The following ZNF805 variants were observed in gnomAD, a reference collection of about 807,000 sequenced individuals.
The protein encoded by ZNF805 is CTC-444N24.8.
A neutral mutation model predicts 13.6 loss-of-function variants in ZNF805; 7 were observed. That is an observed-to-expected ratio of 0.51 (90% CI 0.29 to 0.97). The LOEUF is 0.97. Among genes scored for constraint, ZNF805 ranks in the 50% least tolerant of loss-of-function variants. The pLI is 0.08. For missense variants in ZNF805, 604 were observed against 771.0 expected, an observed-to-expected ratio of 0.78 and a Z score of 2.57; for synonymous variants, 293 against 279.8, an observed-to-expected ratio of 1.05 and a Z score of -0.47.
chr19:57,248,726 G>A (rs1440468706), intron 3 of ZNF805, 26 bp downstream of exon 3: 19 of 1,557,702 alleles, frequency 1.2e-5, no homozygotes, highest in Admixed American at 5.7e-5. Flanking sequence ...TGGGCAGGTC[G>A]GAGTCCCTGC....
intron 1 of ZNF805, among the ~76,000 whole-genome samples, chr19:57,241,340 A>G (rs10423635): frequency 3.9e-5 from 6 of 152,008 alleles, no homozygotes; most frequent in African/African-American, 1.4e-4. Context: ...TGACTGTTCT[A>G]ATTTTTGCCT....
rs1179063073 is a variant in ZNF805 at position 57,256,932 on chromosome 19, C to A, written c.*2229C>A. On this transcript the variant is annotated 3_prime_UTR_variant, in exon 4 of 4. Coordinates refer to ENST00000414468, the MANE Select transcript of ZNF805 (RefSeq NM_001023563.4). ...TCTTTTTTAATATAAGCTTTAAGTT[C>A]TATACATTTTTCTTACACTGCTGTT... 1.3e-5 allele frequency among the ~76,000 whole-genome samples: 2 copies of A among 151,878 alleles called. No individual in the cohort carries two copies. Among genetic ancestry groups the A allele is most frequent in the African/African-American group, 4.8e-5 (2 of 41,350 alleles).
Position 57,260,905 on chromosome 19 carries a change from T to C in ZNF805, c.*6202T>C, listed in dbSNP as rs2087720174. 6.6e-6 allele frequency among the ~76,000 whole-genome samples: 1 copy of C among 152,248 alleles called. No homozygotes were observed. The highest frequency in any genetic ancestry group is 1.5e-5 in the Non-Finnish European group (1 of 68,052). On this transcript the variant is annotated 3_prime_UTR_variant, in exon 4 of 4. Coordinates refer to ENST00000414468, the MANE Select transcript of ZNF805 (RefSeq NM_001023563.4). ...CAAATTATTACTGTGTATCAGACAT[T>C]GTTTCGAATGTTTTACATGCGTCAG...
rs966095091 is a variant in ZNF805, at chr19:57,258,298, TG to T, written c.*3597del. 6.6e-5 allele frequency among the ~76,000 whole-genome samples: 10 copies of T among 152,156 alleles called. No individual in the cohort carries two copies. Among genetic ancestry groups the T allele is most frequent in the Non-Finnish European group, 1.0e-4 (7 of 68,016 alleles). The stretch of plus-strand genomic sequence containing the variant: ...GATTACAGGTATGTGTCACTGTGTC[TG>T]GCCCCAGTTTGCATATTTCTGTCTT... On this transcript the variant is annotated 3_prime_UTR_variant, in exon 4 of 4. Transcript: ENST00000414468.
chr19:57,262,032 C>T lies in ZNF805; in HGVS notation c.*7329C>T, dbSNP rs568308057. On this transcript the variant is annotated 3_prime_UTR_variant, in exon 4 of 4. Coordinates refer to ENST00000414468, the MANE Select transcript of ZNF805 (RefSeq NM_001023563.4). ...TGGACTTGCTTTCTAGCACATACCACAATTGTAGACCTCCAGAAGAACAGG... is the reference window on the plus strand; with the variant it reads ...TGGACTTGCTTTCTAGCACATACCATAATTGTAGACCTCCAGAAGAACAGG... 1.8e-5 allele frequency: 3 copies of T among 165,880 alleles called. No individual in the cohort carries two copies. In the South Asian group the frequency reaches 6.2e-4, roughly 34 times the overall value. The allele number at this position is 165,880 out of a possible 1,614,324, so 10.3% of individuals were successfully genotyped here.
intron 2 of ZNF805, among the ~76,000 whole-genome samples, chr19:57,246,598 A>G (rs2087620068): frequency 6.6e-6 from 1 of 152,040 alleles, no homozygotes; most frequent in Non-Finnish European, 1.5e-5. Flanking sequence ...CAACATGGTG[A>G]AACCCCGTCT....
At chr19:57,248,809 G>C in intron 3 of ZNF805, 109 bp downstream of exon 3, 1 of 1,038,380 alleles carries the variant, frequency 9.6e-7, no homozygotes, top group Non-Finnish European at 1.5e-6. Flanking sequence ...TTCTCTAAGG[G>C]TTTGGGAGCC....
At chr19:57,243,295 G>T (rs2087590772) in intron 1 of ZNF805, among the ~76,000 whole-genome samples, 1 of 152,184 alleles carries the variant, frequency 6.6e-6, no homozygotes, top group South Asian at 2.1e-4. Flanking sequence ...ACTGTGACAT[G>T]GAGGTGATTG....
At chr19:57,241,175 A>T (rs1181069487) in intron 1 of ZNF805, among the ~76,000 whole-genome samples, 2 of 152,142 alleles carry the variant, frequency 1.3e-5, no homozygotes, top group Non-Finnish European at 2.9e-5. Flanking sequence ...CAACCTGCCC[A>T]GGAAACCAGC....
At chr19:57,251,258 T>C (rs2122839177) in intron 3 of ZNF805, among the ~76,000 whole-genome samples, 1 of 152,206 alleles carries the variant, frequency 6.6e-6, no homozygotes, top group African/African-American at 2.4e-5. Flanking sequence ...TTTTGGAAGG[T>C]TCCATTGATC....
chr19:57,243,779 T>G (rs2087594054), intron 1 of ZNF805, 144 bp from the exon 2 acceptor site: 6 of 1,133,130 alleles, frequency 5.3e-6, no homozygotes, highest in Non-Finnish European at 7.7e-6. Context: ...CAAAGCAATG[T>G]CTGCCTTCCT....
chr19:57,250,585 A>T (rs2087645868), intron 3 of ZNF805, among the ~76,000 whole-genome samples: 1 of 152,184 alleles, frequency 6.6e-6, no homozygotes, highest in South Asian at 2.1e-4. Context: ...GGATGTTAAT[A>T]GACTCCCAAA....
At position 57,262,190 on chromosome 19, in the gene ZNF805, C is replaced by T. The variant is rs931290626; in HGVS notation, c.*7487C>T. 1 of 167,072 alleles carries T rather than the reference C, an allele frequency of 6.0e-6. No homozygotes were observed. Among genetic ancestry groups the T allele is most frequent in the African/African-American group, 2.4e-5 (1 of 41,448 alleles). The allele number at this position is 167,072 out of a possible 1,614,324, so 10.3% of individuals were successfully genotyped here. On this transcript the variant is annotated 3_prime_UTR_variant, in exon 4 of 4. Coordinates refer to ENST00000414468, the MANE Select transcript of ZNF805 (RefSeq NM_001023563.4). ...TTGCAAGATCAAAGAATAGCAGTCT[C>T]TGGCCTGCTCTGTTCTCTTTTTCAC...
chr19:57,254,353 G>C lies in ZNF805; in HGVS notation c.1534G>C (p.Glu512Gln). ...GATTCATAGTGGAGAGAAGCCCTATGAATGCATCGAGTGTGGGAAAACATT... is the reference window on the plus strand; with the variant it reads ...GATTCATAGTGGAGAGAAGCCCTATCAATGCATCGAGTGTGGGAAAACATT... ...QRIHSGEKPY[E>Q]CIECGKTFCW... Residue 512 changes from glutamate to glutamine, a missense_variant, in exon 4 of 4, where the codon GAA becomes CAA. Coordinates refer to ENST00000414468, the MANE Select transcript of ZNF805 (RefSeq NM_001023563.4). 1 of 1,614,156 alleles carries C rather than the reference G, an allele frequency of 6.2e-7. No homozygotes were observed. The highest frequency in any genetic ancestry group is 8.5e-7 in the Non-Finnish European group (1 of 1,180,040).
intron 1 of ZNF805, among the ~76,000 whole-genome samples, chr19:57,243,581 T>G (rs1027178216): frequency 3.9e-5 from 6 of 152,226 alleles, no homozygotes; most frequent in African/African-American, 1.4e-4. Flanking sequence ...GCTGGACCAG[T>G]GAGGCTCAGG....
Position 57,257,433 on chromosome 19 carries a change from G to C in ZNF805, c.*2730G>C. ...TTTGCTCCACATAATTTAAAGCTCTGTTGTTTGGTATATACACATGTAGGT... is the reference window on the plus strand; with the variant it reads ...TTTGCTCCACATAATTTAAAGCTCTCTTGTTTGGTATATACACATGTAGGT... On this transcript the variant is annotated 3_prime_UTR_variant, in exon 4 of 4. Coordinates refer to ENST00000414468, the MANE Select transcript of ZNF805 (RefSeq NM_001023563.4). Among the ~76,000 whole-genome samples, 1 of 151,976 alleles carries C rather than the reference G, an allele frequency of 6.6e-6. No homozygotes were observed. The highest frequency in any genetic ancestry group is 1.9e-4 in the East Asian group (1 of 5,190).
At chr19:57,247,826 C>T (rs1354121940) in intron 2 of ZNF805, among the ~76,000 whole-genome samples, 1 of 152,178 alleles carries the variant, frequency 6.6e-6, no homozygotes, top group Non-Finnish European at 1.5e-5. Context: ...ACTTTACCTC[C>T]CCGAGCCTGG....
In ZNF805 at chr19:57,257,495, T is replaced by A. The variant is rs942551071; in HGVS notation, c.*2792T>A. On this transcript the variant is annotated 3_prime_UTR_variant, in exon 4 of 4. Transcript: ENST00000414468. ...TCTTGGTGTATTGACCCTTTTATAA[T>A]TAAGTAATGTCCCTTTTTGTTCCTG... is the stretch of plus-strand genomic sequence containing the variant. Among the ~76,000 whole-genome samples the A allele has an allele frequency of 4.0e-5, 6 of 151,822 alleles. No homozygotes were observed. Among genetic ancestry groups the A allele is most frequent in the African/African-American group, 1.4e-4 (6 of 41,442 alleles).
At chr19:57,251,438 T>G (rs1568489353) in intron 3 of ZNF805, among the ~76,000 whole-genome samples, 1 of 152,222 alleles carries the variant, frequency 6.6e-6, no homozygotes, top group Non-Finnish European at 1.5e-5. Flanking sequence ...AGATGTTATT[T>G]GGTGATAAAT....
Sources: allele counts gnomAD v4.1 joint callset (sites outside exome capture counted in the v4.1 genomes callset), GRCh38; gene constraint gnomAD v4.1.1; transcripts MANE v1.5; gene names NCBI Gene and HGNC (gene_info 2026-07-23, HGNC 2026-07-21).